OPTC: variants seen among roughly 807,000 people sequenced by gnomAD.
OPTC encodes the protein opticin.
OPTC carries 22 observed loss-of-function variants against 25.4 expected under a neutral mutation model. The observed-to-expected ratio is 0.87, with a 90% confidence interval of 0.62 to 1.24. The LOEUF is 1.24. OPTC is among the 50% of genes most tolerant of loss of function. The pLI is 0.00. For missense variants in OPTC, 417 were observed against 425.2 expected (o/e 0.98, Z 0.17); for synonymous variants, 169 against 179.3 (o/e 0.94, Z 0.46).
chr1:203,500,172 C>CATCACCT (rs1479640668), intron 5 of OPTC, among the ~76,000 whole-genome samples: 2 of 9,624 alleles, frequency 2.1e-4, no homozygotes, highest in Non-Finnish European at 4.6e-4. Flanking sequence ...CACCCACCTC[C>CATCACCT]ACCACCACCA....
chr1:203,505,990 T>C (rs1024389111), intron 7 of OPTC, among the ~76,000 whole-genome samples: 5 of 152,020 alleles, frequency 3.3e-5, no homozygotes, highest in Non-Finnish European at 7.4e-5. Flanking sequence ...TCTCTCTCCC[T>C]TTCTCTGTTT....
intron 4 of OPTC, among the ~76,000 whole-genome samples, chr1:203,499,143 G>A (rs1390040600): frequency 6.6e-6 from 1 of 152,148 alleles, no homozygotes; most frequent in African/African-American, 2.4e-5. Context: ...TGATCAGCTG[G>A]CCTCTGGGCA....
intron 7 of OPTC, among the ~76,000 whole-genome samples, chr1:203,507,268 T>C (rs1433064496): frequency 6.6e-6 from 1 of 152,056 alleles, no homozygotes; most frequent in Non-Finnish European, 1.5e-5. Context: ...CCTCCTGTCT[T>C]GTAGAATGGT....
At position 203,503,555 on chromosome 1, in the gene OPTC, C is replaced by T. The variant is rs200109409; in HGVS notation, c.834C>T (p.Asn278=). The change falls in exon 7 of 8, where the codon AAC becomes AAT. Residue 278 remains asparagine (N), a synonymous_variant. Transcript: ENST00000367222. Reference sequence around the variant, plus strand: ...CTGGTATGTGTTCTTCCCAGAATAACCTGATAGAGACCATGCAGAGAGACG... The same window carrying T: ...CTGGTATGTGTTCTTCCCAGAATAATCTGATAGAGACCATGCAGAGAGACG... ...LSLRSVHLQN[N]LIETMQRDVF... 5 of 1,613,470 alleles carry T rather than the reference C, an allele frequency of 3.1e-6. No homozygotes were observed.
In OPTC at chr1:203,496,070, TC is replaced by T. The variant is rs764678169; in HGVS notation, c.68del (p.Pro23GlnfsTer29). On this transcript the variant is annotated frameshift_variant, in exon 2 of 8. Coordinates refer to ENST00000367222, the MANE Select transcript of OPTC (RefSeq NM_014359.4). LOFTEE classifies it high-confidence loss of function. ...CTGCAGGAGACAGGGACAGCTTCTC[TC>T]CCAAGGAAGGAGAGGAAGAGGAGAG... ...LVLQETGTAS[L>X]PRKERKRREE... 2 of 1,614,018 alleles carry T rather than the reference TC, an allele frequency of 1.2e-6. No individual in the cohort carries two copies. Among genetic ancestry groups the T allele is most frequent in the South Asian group, 2.2e-5 (2 of 91,068 alleles).
chr1:203,503,007 CA>C lies in OPTC; in HGVS notation c.827del (p.Gln276ArgfsTer4). 1 of 1,611,760 alleles carries C rather than the reference CA, an allele frequency of 6.2e-7. No individual in the cohort carries two copies. The highest frequency in any genetic ancestry group is 8.5e-7 in the Non-Finnish European group (1 of 1,178,190). On this transcript the variant is annotated frameshift_variant and splice_region_variant, in exon 6 of 8. Transcript: ENST00000367222. LOFTEE classifies it high-confidence loss of function. Reference protein sequence around the residue: ...LPLSLRSVHLQNNLIETMQRD... With the variant: ...LPLSLRSVHLXNNLIETMQRD... Reference sequence around the variant, plus strand: ...CCTGAGCCTGCGCTCTGTACACCTGCAGGTAAGGAGCACCACCCAGAGCAAG... The same window carrying C: ...CCTGAGCCTGCGCTCTGTACACCTGCGGTAAGGAGCACCACCCAGAGCAAG...
rs1661340446 is a variant in OPTC, at chr1:203,499,635, C to T, written c.530-14C>T. On this transcript the variant is annotated splice_polypyrimidine_tract_variant and intron_variant, in intron 4 of 7. Coordinates refer to ENST00000367222, the MANE Select transcript of OPTC (RefSeq NM_014359.4). ...TTCTGGTTTCTCTCTTTGTTCTCCC[C>T]TAACCTCTCTCAGCAAAGTTGAAGA... is the stretch of plus-strand genomic sequence containing the variant. The T allele has an allele frequency of 1.2e-6, 2 of 1,610,886 alleles. No individual in the cohort carries two copies. The highest frequency in any genetic ancestry group is 1.7e-5 in the Admixed American group (1 of 59,970).
At chr1:203,508,494 A>G (rs995345994) in intron 7 of OPTC, among the ~76,000 whole-genome samples, 152 bp from the exon 8 acceptor site, 18 of 152,066 alleles carry the variant, frequency 1.2e-4, no homozygotes, top group Non-Finnish European at 2.5e-4. Context: ...TGGCCAGGAC[A>G]GAGGCAGACA....
At chr1:203,503,433 G>A in intron 6 of OPTC, 117 bp from the exon 7 acceptor site, 1 of 1,065,164 alleles carries the variant, frequency 9.4e-7, no homozygotes, top group Non-Finnish European at 1.4e-6. Context: ...AGATGCTTCA[G>A]TTTCTCCAGT....
intron 7 of OPTC, among the ~76,000 whole-genome samples, chr1:203,505,554 G>A (rs904921024): frequency 6.6e-6 from 1 of 152,192 alleles, no homozygotes; most frequent in East Asian, 1.9e-4. Flanking sequence ...GGATCCTCAC[G>A]GCGGTCCTGT....
In OPTC at chr1:203,506,149, T is replaced by TTC. The variant is rs201482985; in HGVS notation, c.*25+2405_*25+2406insCT. ...TGGATTGAGGAATCCAATTTTCTTT[T>TTC]TTCTTTTTTTTTTTTTTTTGAGATG... is the stretch of plus-strand genomic sequence containing the variant. On this transcript the variant is annotated intron_variant, in intron 7 of 7. Coordinates refer to ENST00000367222, the MANE Select transcript of OPTC (RefSeq NM_014359.4). Among the ~76,000 whole-genome samples the TTC allele has an allele frequency of 2.8e-3, 398 of 141,786 alleles. 14 individuals carry two copies. The highest frequency in any genetic ancestry group is 3.4e-3 in the East Asian group (17 of 4,930). 93.0% of individuals were successfully genotyped at this position (141,786 alleles called of 152,430 possible).
intron 5 of OPTC, among the ~76,000 whole-genome samples, chr1:203,501,157 G>GTGGCATGA (rs1254591671): frequency 6.6e-6 from 1 of 152,182 alleles, no homozygotes; most frequent in African/African-American, 2.4e-5. Flanking sequence ...GGAATGCAGT[G>GTGGCATGA]TGGCATGATC....
intron 1 of OPTC, 108 bp from the exon 2 acceptor site, chr1:203,495,857 G>T (rs1333528155): frequency 4.4e-6 from 3 of 684,494 alleles, no homozygotes; most frequent in Non-Finnish European, 8.0e-6. Context: ...AGAGCACTGA[G>T]TCTGCAAGTG....
intron 7 of OPTC, among the ~76,000 whole-genome samples, chr1:203,506,145 C>CTTTTTTTT (rs78639556): frequency 2.2e-5 from 2 of 89,464 alleles, no homozygotes; most frequent in Non-Finnish European, 2.6e-5. Flanking sequence ...ATCCAATTTT[C>CTTTTTTTT]TTTTTTCTTT....
In OPTC at chr1:203,496,976, G is replaced by A; in HGVS notation, c.232-1G>A. 6.2e-7 allele frequency: 1 copy of A among 1,614,092 alleles called. No individual in the cohort carries two copies. Among genetic ancestry groups the A allele is most frequent in the Non-Finnish European group, 8.5e-7 (1 of 1,180,030 alleles). ...CTGTGTACTCTGTGCTACATCTCCA[G>A]GTTAAGGTGACTAGCCTCGCTCCTG... On this transcript the variant is annotated splice_acceptor_variant, in intron 2 of 7. Coordinates refer to ENST00000367222, the MANE Select transcript of OPTC (RefSeq NM_014359.4). LOFTEE classifies it high-confidence loss of function.
chr1:203,508,893 C>G lies in OPTC; in HGVS notation c.*273C>G, dbSNP rs931022844. ...CTTCTTGTCTTCAACCTGGCCTGTC[C>G]AGCCCTTCCAGATATGGCCAAACCC... On this transcript the variant is annotated 3_prime_UTR_variant, in exon 8 of 8. Transcript: ENST00000367222. The G allele has an allele frequency of 1.1e-4, 17 of 152,210 alleles. 1 individual carries two copies. The highest frequency in any genetic ancestry group is 1.0e-3 in the Admixed American group (16 of 15,262). The allele number at this position is 152,210 out of a possible 1,614,324, so 9.4% of individuals were successfully genotyped here. A position where few individuals can be genotyped will look rare whatever the true frequency, so the allele number is the denominator to read the frequency against.
chr1:203,499,845 C>G lies in OPTC; in HGVS notation c.726C>G (p.Ala242=). 1.2e-6 allele frequency: 2 copies of G among 1,611,452 alleles called. No individual in the cohort carries two copies. Among genetic ancestry groups the G allele is most frequent in the Non-Finnish European group, 1.7e-6 (2 of 1,179,700 alleles). The change falls in exon 5 of 8, where the codon GCC becomes GCG. Residue 242 remains alanine, a synonymous_variant. Transcript: ENST00000367222. The part of the protein sequence containing the change: ...RLQSSGIQPA[A]FRAMEKLQFL... Reference sequence around the variant, plus strand: ...AGAGCTCGGGGATACAGCCTGCAGCCTTCAGGGTGAGTCAAGGCCTTAGAT... The same window carrying G: ...AGAGCTCGGGGATACAGCCTGCAGCGTTCAGGGTGAGTCAAGGCCTTAGAT...
chr1:203,505,796 G>A (rs1400442619), intron 7 of OPTC, among the ~76,000 whole-genome samples: 3 of 152,130 alleles, frequency 2.0e-5, no homozygotes, highest in East Asian at 3.9e-4. Context: ...CCTGGCCCCA[G>A]GGAAGGACGG....
rs888927859 is a variant in OPTC at position 203,495,995 on chromosome 1, T to A, written c.-11T>A. The A allele has an allele frequency of 1.2e-6, 2 of 1,600,216 alleles. No homozygotes were observed. Among genetic ancestry groups the A allele is most frequent in the Admixed American group, 3.4e-5 (2 of 58,894 alleles). The stretch of plus-strand genomic sequence containing the variant: ...GCCGCTGAAGGGATTCTCAGTCCCA[T>A]CTGACTCCCCATGAGGCTCCTGGCT... On this transcript the variant is annotated 5_prime_UTR_variant, in exon 2 of 8. Coordinates refer to ENST00000367222, the MANE Select transcript of OPTC (RefSeq NM_014359.4).
Sources: allele counts gnomAD v4.1 joint callset (sites outside exome capture counted in the v4.1 genomes callset), GRCh38; gene constraint gnomAD v4.1.1; transcripts MANE v1.5; gene names NCBI Gene and HGNC (gene_info 2026-07-23, HGNC 2026-07-21).